GABRB2: variants seen among roughly 807,000 people sequenced by gnomAD.
GABRB2 encodes gamma-aminobutyric acid type A receptor subunit beta2, also known as gamma-aminobutyric acid receptor subunit beta-2.
In GABRB2, 16 loss-of-function variants were observed where a neutral mutation model predicts 54.7. That is an observed-to-expected ratio of 0.29 (90% CI 0.20 to 0.44). The LOEUF (loss-of-function observed/expected upper bound fraction) is 0.44, where lower values mean the gene tolerates loss of function less well. GABRB2 is among the 20% of genes least tolerant of loss of function. GABRB2 has a pLI of 1.00. For synonymous variants in GABRB2, 244 were observed against 233.8 expected (o/e 1.04, Z -0.40); for missense variants, 355 against 644.0 (o/e 0.55, Z 4.86).
intron 3 of GABRB2, among the ~76,000 whole-genome samples, chr5:161,516,460 T>C (rs1759951345): frequency 6.6e-6 from 1 of 152,160 alleles, no homozygotes; most frequent in African/African-American, 2.4e-5. Context: ...AGCAGGTTAC[T>C]CCTTCTATGC....
chr5:161,318,360 G>GA (rs1758105186), intron 9 of GABRB2, among the ~76,000 whole-genome samples: 1 of 151,734 alleles, frequency 6.6e-6, no homozygotes, highest in Non-Finnish European at 1.5e-5. Context: ...CCTATTTTTA[G>GA]AAAAATATTT....
At chr5:161,441,563 A>G (rs77848968) in intron 4 of GABRB2, among the ~76,000 whole-genome samples, 23,571 of 152,084 alleles carry the variant, frequency 0.15, 1,886 homozygotes, top group East Asian at 0.2. Flanking sequence ...TCAAAAAACT[A>G]AATATAAAAC....
chr5:161,468,248 C>G (rs2113289683), intron 3 of GABRB2, among the ~76,000 whole-genome samples: 1 of 152,178 alleles, frequency 6.6e-6, no homozygotes, highest in Non-Finnish European at 1.5e-5. Flanking sequence ...GAATAAAATC[C>G]AAGCTTATTA....
chr5:161,494,010 T>C (rs1406565295), intron 3 of GABRB2, among the ~76,000 whole-genome samples: 19 of 151,780 alleles, frequency 1.3e-4, no homozygotes, highest in Non-Finnish European at 1.2e-4. Context: ...ATACATATTT[T>C]GCAACAAATA....
At chr5:161,512,153 C>T (rs1379492970) in intron 3 of GABRB2, among the ~76,000 whole-genome samples, 4 of 151,918 alleles carry the variant, frequency 2.6e-5, no homozygotes, top group African/African-American at 9.7e-5. Context: ...CTTAAAATGG[C>T]CATACTGCCC....
intron 3 of GABRB2, among the ~76,000 whole-genome samples, chr5:161,535,474 C>T (rs532911058): frequency 6.6e-5 from 10 of 151,980 alleles, no homozygotes; most frequent in South Asian, 6.2e-4. Context: ...ACAACTATAA[C>T]GAAACAAGGT....
intron 7 of GABRB2, 57 bp from the exon 8 acceptor site, chr5:161,331,184 T>A: frequency 1.3e-6 from 2 of 1,492,428 alleles, no homozygotes; most frequent in Non-Finnish European, 1.8e-6. Context: ...TCTTCTTTCT[T>A]AATAGCTGGA....
intron 4 of GABRB2, among the ~76,000 whole-genome samples, chr5:161,452,868 T>G (rs1757830466): frequency 6.6e-6 from 1 of 152,096 alleles, no homozygotes; most frequent in African/African-American, 2.4e-5. Flanking sequence ...TGATGGCACA[T>G]GCCTGTAGGT....
upstream of GABRB2, among the ~76,000 whole-genome samples, chr5:161,547,583 G>T (rs987420961): frequency 6.6e-6 from 1 of 152,018 alleles, no homozygotes; most frequent in African/African-American, 2.4e-5. Context: ...GGGGAGGGGG[G>T]CGAGGGGAGC....
At chr5:161,314,688 C>A (rs1346849400) in intron 9 of GABRB2, among the ~76,000 whole-genome samples, 1 of 151,888 alleles carries the variant, frequency 6.6e-6, no homozygotes, top group African/African-American at 2.4e-5. Context: ...TCTCTCTCCC[C>A]CCTCTTTCTG....
At chr5:161,545,358 T>C in intron 2 of GABRB2, 64 bp from the exon 3 acceptor site, 1 of 1,299,602 alleles carries the variant, frequency 7.7e-7, no homozygotes, top group Non-Finnish European at 1.1e-6. Flanking sequence ...GCAAGAGTTA[T>C]CCCTGAGCAT....
intron 4 of GABRB2, among the ~76,000 whole-genome samples, chr5:161,432,143 C>T (rs946799884): frequency 1.3e-5 from 2 of 152,170 alleles, no homozygotes; most frequent in African/African-American, 4.8e-5. Context: ...TCTGCAGTTT[C>T]TCTCAGTCTC....
At chr5:161,509,554 A>G (rs1302094031) in intron 3 of GABRB2, among the ~76,000 whole-genome samples, 2 of 151,926 alleles carry the variant, frequency 1.3e-5, no homozygotes, top group African/African-American at 4.8e-5. Context: ...ACACATATTC[A>G]TGTCGATTTC....
At chr5:161,510,673 T>A (rs550224768) in intron 3 of GABRB2, among the ~76,000 whole-genome samples, 1 of 151,948 alleles carries the variant, frequency 6.6e-6, no homozygotes, top group Non-Finnish European at 1.5e-5. Flanking sequence ...TCATTTCTTG[T>A]CACCCAGGCT....
chr5:161,480,431 A>T (rs1488841336), intron 3 of GABRB2, among the ~76,000 whole-genome samples: 1 of 151,982 alleles, frequency 6.6e-6, no homozygotes, highest in Non-Finnish European at 1.5e-5. Flanking sequence ...GTATTCCTTG[A>T]CTACTTTTGT....
At chr5:161,310,671 ACGCG>A (rs1161142232) in intron 9 of GABRB2, among the ~76,000 whole-genome samples, 30 of 122,814 alleles carry the variant, frequency 2.4e-4, no homozygotes, top group Admixed American at 9.3e-4. Context: ...ACGCACGCGC[ACGCG>A]CGCACACACA....
intron 4 of GABRB2, among the ~76,000 whole-genome samples, chr5:161,416,543 A>G (rs1231036022): frequency 6.6e-6 from 1 of 150,832 alleles, no homozygotes; most frequent in African/African-American, 2.5e-5. Context: ...TTATTCCACG[A>G]GAAAAAAAAA....
chr5:161,410,711 T>G (rs1251823948), intron 5 of GABRB2, among the ~76,000 whole-genome samples: 2 of 152,172 alleles, frequency 1.3e-5, no homozygotes, highest in African/African-American at 4.8e-5. Flanking sequence ...TCGGTCTCCT[T>G]CCAGGCTGTT....
At chr5:161,532,505 C>A (rs892503456) in intron 3 of GABRB2, among the ~76,000 whole-genome samples, 1 of 152,216 alleles carries the variant, frequency 6.6e-6, no homozygotes, top group Non-Finnish European at 1.5e-5. Context: ...AATATAAATA[C>A]TCACACTAGA....
Sources: gnomAD v4.1 joint callset for allele counts (sites outside exome capture counted in the v4.1 genomes callset) on GRCh38, gnomAD v4.1.1 for gene constraint, MANE v1.5 for transcripts, NCBI Gene and HGNC (gene_info 2026-07-23, HGNC 2026-07-21) for gene names.